The following FAM78B variants were observed in gnomAD, a reference collection of about 807,000 sequenced individuals.
FAM78B encodes family with sequence similarity 78 member B.
Under a neutral mutation model 20.0 loss-of-function variants are expected in FAM78B, and 10 were observed. That is an observed-to-expected ratio of 0.50 (90% CI 0.31 to 0.85). The LOEUF (loss-of-function observed/expected upper bound fraction) is 0.85. FAM78B is among the 40% of genes least tolerant of loss of function. FAM78B has a pLI of 0.05. For synonymous variants in FAM78B, 135 were observed against 132.8 expected (o/e 1.02, Z -0.12); for missense variants, 283 against 345.0 (o/e 0.82, Z 1.42).
intron 1 of FAM78B, among the ~76,000 whole-genome samples, chr1:166,126,743 C>T (rs1307921100): frequency 6.6e-6 from 1 of 152,030 alleles, no homozygotes; most frequent in Non-Finnish European, 1.5e-5. Flanking sequence ...ATGTAGGCTA[C>T]AATATTGAGT....
At chr1:166,137,989 A>G (rs887102635) in intron 1 of FAM78B, among the ~76,000 whole-genome samples, 1 of 152,190 alleles carries the variant, frequency 6.6e-6, no homozygotes, top group African/African-American at 2.4e-5. Context: ...GGCAAAAAAT[A>G]CTGGCAGGGC....
At chr1:166,107,531 G>A (rs1454311461) in intron 1 of FAM78B, among the ~76,000 whole-genome samples, 1 of 152,006 alleles carries the variant, frequency 6.6e-6, no homozygotes, top group Non-Finnish European at 1.5e-5. Flanking sequence ...AAAAGTCCAG[G>A]ACCAGACAGA....
At chr1:166,164,883 G>T (rs1190567123) in intron 1 of FAM78B, 1 of 152,234 alleles carries the variant, frequency 6.6e-6, no homozygotes, top group Non-Finnish European at 1.5e-5. Context: ...GCTAATTAGG[G>T]TGTTCTAGAC....
chr1:166,097,729 C>T (rs1653342161), intron 1 of FAM78B, among the ~76,000 whole-genome samples: 1 of 152,164 alleles, frequency 6.6e-6, no homozygotes, highest in Non-Finnish European at 1.5e-5. Flanking sequence ...GCAGGAAGAC[C>T]AGCTCAAGGA....
intron 1 of FAM78B, among the ~76,000 whole-genome samples, chr1:166,125,870 T>A (rs1007645399): frequency 6.6e-6 from 1 of 150,848 alleles, no homozygotes; most frequent in Admixed American, 6.6e-5. Flanking sequence ...TCTTGCTCTG[T>A]CGCCAGGCTG....
chr1:166,163,240 T>C (rs1656226211), intron 1 of FAM78B, among the ~76,000 whole-genome samples: 1 of 152,102 alleles, frequency 6.6e-6, no homozygotes, highest in African/African-American at 2.4e-5. Flanking sequence ...AAATGAGAAA[T>C]AAATAGGTGC....
downstream of FAM78B, among the ~76,000 whole-genome samples, chr1:166,056,019 G>C (rs1250610566): frequency 6.6e-6 from 1 of 152,188 alleles, no homozygotes; most frequent in Non-Finnish European, 1.5e-5. Context: ...TAGAGAAGAT[G>C]CAGGAATCCC....
Position 166,089,098 on chromosome 1 carries a change from A to C in FAM78B, c.264-18335T>G, listed in dbSNP as rs61835094. On this transcript the variant is annotated intron_variant, in intron 1 of 1. Transcript: ENST00000354422. Reference sequence around the variant, plus strand: ...ACTTTTTCCCACTGCTCCCTTGGGCAACTGAGTAATCCTTAGGTCTAAACC... The same window carrying C: ...ACTTTTTCCCACTGCTCCCTTGGGCCACTGAGTAATCCTTAGGTCTAAACC... Among the ~76,000 whole-genome samples, 913 of 152,306 alleles carry C rather than the reference A, an allele frequency of 6.0e-3. 6 individuals are homozygous for C. The highest frequency in any genetic ancestry group is 0.01 in the Non-Finnish European group (692 of 68,026).
chr1:166,079,727 G>A (rs1227124223), intron 1 of FAM78B, among the ~76,000 whole-genome samples: 3 of 152,174 alleles, frequency 2.0e-5, no homozygotes, highest in African/African-American at 7.2e-5. Context: ...AGGTATACTT[G>A]TCTAGGTAGG....
intron 1 of FAM78B, among the ~76,000 whole-genome samples, chr1:166,089,002 T>C (rs964615372): frequency 2.6e-5 from 4 of 152,118 alleles, no homozygotes; most frequent in African/African-American, 9.7e-5. Context: ...CCCCAATAGC[T>C]TTCCTTATGG....
chr1:166,156,742 A>G (rs1655911771), intron 1 of FAM78B, among the ~76,000 whole-genome samples: 1 of 152,102 alleles, frequency 6.6e-6, no homozygotes, highest in Admixed American at 6.5e-5. Context: ...CCTAAGGTGG[A>G]AATTGCACAA....
downstream of FAM78B, among the ~76,000 whole-genome samples, chr1:166,066,575 A>ACTT (rs1375729721): frequency 6.6e-6 from 1 of 152,218 alleles, no homozygotes; most frequent in Non-Finnish European, 1.5e-5. Context: ...TGGATATGCC[A>ACTT]CTTAACCTCT....
chr1:166,112,554 T>C (rs1431753635), intron 1 of FAM78B, among the ~76,000 whole-genome samples: 1 of 152,204 alleles, frequency 6.6e-6, no homozygotes, highest in African/African-American at 2.4e-5. Context: ...TGGATTCTAA[T>C]GATGACAAAA....
chr1:166,089,132 A>G (rs1394360751), intron 1 of FAM78B, among the ~76,000 whole-genome samples: 1 of 152,108 alleles, frequency 6.6e-6, no homozygotes, highest in Non-Finnish European at 1.5e-5. Flanking sequence ...CCCAAGTGTC[A>G]CTTCCTCTGG....
At chr1:166,119,494 G>C (rs1428640328) in intron 1 of FAM78B, among the ~76,000 whole-genome samples, 1 of 152,200 alleles carries the variant, frequency 6.6e-6, no homozygotes, top group Non-Finnish European at 1.5e-5. Context: ...CGCTTTCTGT[G>C]TGGGAGATTT....
rs555904451 is a variant in FAM78B, at chr1:166,070,142, G to A, written c.*99C>T. The A allele has an allele frequency of 2.1e-6, 3 of 1,428,018 alleles. No individual in the cohort carries two copies. The highest frequency in any genetic ancestry group is 1.4e-5 in the African/African-American group (1 of 70,856). 88.5% of individuals were successfully genotyped at this position (1,428,018 alleles called of 1,614,324 possible). On this transcript the variant is annotated 3_prime_UTR_variant, in exon 2 of 2. Transcript: ENST00000354422. ...CAAAGGCTGGCAAACCGAGAGGTCTGCTTTGGCTCAGAAACTCTGTTTGGC... is the reference window on the plus strand; with the variant it reads ...CAAAGGCTGGCAAACCGAGAGGTCTACTTTGGCTCAGAAACTCTGTTTGGC...
chr1:166,078,969 T>G (rs973735789), intron 1 of FAM78B, among the ~76,000 whole-genome samples: 8 of 149,046 alleles, frequency 5.4e-5, no homozygotes, highest in African/African-American at 2.0e-4. Context: ...TCTCACTCTG[T>G]CACCCAGGCT....
chr1:166,165,994 G>T lies in FAM78B; in HGVS notation c.255C>A (p.Asp85Glu), dbSNP rs1557925484. Residue 85 changes from aspartate (D) to glutamate (E), a missense_variant, in exon 1 of 2, where the codon GAC (aspartate) becomes GAA (glutamate). Physicochemically the swap from Asp to Glu is conservative, Grantham distance 45 (BLOSUM62 2). Coordinates refer to ENST00000354422, the MANE Select transcript of FAM78B (RefSeq NM_001017961.5). The stretch of plus-strand genomic sequence containing the variant: ...CGCGGCGAGTCGCTTACATGCCCAG[G>T]TCGCTGTAGGTGTTGAAGAACTCCA... The part of the protein sequence containing the change: ...NQMEFFNTYS[D>E]LGMSSWELPD... The T allele has an allele frequency of 6.2e-7, 1 of 1,613,712 alleles. No homozygotes were observed. Among genetic ancestry groups the T allele is most frequent in the Non-Finnish European group, 8.5e-7 (1 of 1,179,946 alleles).
rs1054214581 is a variant in FAM78B at position 166,130,792 on chromosome 1, G to A, written c.263+35194C>T. Among the ~76,000 whole-genome samples the A allele has an allele frequency of 3.3e-5, 5 of 152,096 alleles. No homozygotes were observed. In the East Asian group the frequency reaches 5.8e-4, roughly 18 times the overall value. ...AGTGGGAGATACAGGCCTAAGCCCC[G>A]GTTCCCTGACTCCCAGACCTGTGCT... On this transcript the variant is annotated intron_variant, in intron 1 of 1. Transcript: ENST00000354422.
Sources: gnomAD v4.1 joint callset for allele counts (sites outside exome capture counted in the v4.1 genomes callset) on GRCh38, gnomAD v4.1.1 for gene constraint, MANE v1.5 for transcripts, NCBI Gene and HGNC (gene_info 2026-07-23, HGNC 2026-07-21) for gene names.